The following UGT1A5 variants were observed in gnomAD, a reference collection of about 807,000 sequenced individuals.
UGT1A5 encodes the protein UDP glucuronosyltransferase family 1 member A5, also known as UDP-glucuronosyltransferase 1A5.
UGT1A5 carries 29 observed loss-of-function variants against 40.3 expected under a neutral mutation model. That is an observed-to-expected ratio of 0.72 (90% CI 0.54 to 0.98). UGT1A5 has a LOEUF of 0.98. Among genes scored for constraint, UGT1A5 ranks in the 50% least tolerant of loss-of-function variants. The pLI is 0.00. For missense variants in UGT1A5, 678 were observed against 677.9 expected, an observed-to-expected ratio of 1.00 and a Z score of 0.00; for synonymous variants, 257 against 262.5, an observed-to-expected ratio of 0.98 and a Z score of 0.20.
At position 233,769,083 on chromosome 2, in the gene UGT1A5, A is replaced by G. The variant is rs1376592971; in HGVS notation, c.1307+644A>G. On this transcript the variant is annotated intron_variant, in intron 4 of 4. Coordinates refer to ENST00000373414, the MANE Select transcript of UGT1A5 (RefSeq NM_019078.2). This position sits in a 1 kb window ranked among gnomAD's most constrained non-coding sequence, Gnocchi z 4.4. The stretch of plus-strand genomic sequence containing the variant: ...ACAGAAAGAAATACTCCATTATAAG[A>G]AGCATAGTATCTTTAAGAGAAAAAC... 1.3e-5 allele frequency among the ~76,000 whole-genome samples: 2 copies of G among 152,224 alleles called. No homozygotes were observed. Among genetic ancestry groups the G allele is most frequent in the Non-Finnish European group, 2.9e-5 (2 of 68,046 alleles).
intron 1 of UGT1A5, among the ~76,000 whole-genome samples, chr2:233,751,605 T>G (rs1030087764): frequency 2.0e-5 from 3 of 152,194 alleles, no homozygotes; most frequent in African/African-American, 7.2e-5. Flanking sequence ...TGGGACCTGG[T>G]GGGAGGTGAT....
intron 1 of UGT1A5, among the ~76,000 whole-genome samples, chr2:233,738,445 C>T (rs1322346055): frequency 2.6e-5 from 4 of 152,306 alleles, no homozygotes; most frequent in Non-Finnish European, 5.9e-5. Context: ...GCTCAGAAGA[C>T]AGGAAGATGT....
chr2:233,719,362 A>G (rs780815803), intron 1 of UGT1A5: 39 of 1,613,708 alleles, frequency 2.4e-5, no homozygotes, highest in Non-Finnish European at 3.1e-5. Context: ...TGTGACTTAG[A>G]CTTTAAGGGC....
chr2:233,767,781 T>C (rs1559414457), intron 2 of UGT1A5, 68 bp from the exon 3 acceptor site: 3 of 1,613,388 alleles, frequency 1.9e-6, no homozygotes, highest in East Asian at 2.2e-5. Context: ...TTCTAGTTAG[T>C]ATAGCAGATT....
intron 1 of UGT1A5, among the ~76,000 whole-genome samples, chr2:233,763,690 T>C (rs1698373555): frequency 6.6e-6 from 1 of 152,190 alleles, no homozygotes; most frequent in African/African-American, 2.4e-5. Context: ...AAGATAAAAC[T>C]TTTATTGCAC....
chr2:233,751,060 C>T (rs1694630836), intron 1 of UGT1A5, among the ~76,000 whole-genome samples: 1 of 151,896 alleles, frequency 6.6e-6, no homozygotes, highest in South Asian at 2.1e-4. Flanking sequence ...GACACAGACA[C>T]TCAATGCCAG....
At chr2:233,725,044 AGGCGTGGCGGCGCGCGCCTGCAATCGCAG>A (rs1160459932) in intron 1 of UGT1A5, among the ~76,000 whole-genome samples, 1 of 148,048 alleles carries the variant, frequency 6.8e-6, no homozygotes, top group Non-Finnish European at 1.5e-5. Flanking sequence ...AAAACCAGTC[AGGCGTGGCGGCGCGCGCCTGCAATCGCAG>A]GCACTCGGCA....
At chr2:233,740,322 A>G (rs1210904634) in intron 1 of UGT1A5, among the ~76,000 whole-genome samples, 1 of 151,968 alleles carries the variant, frequency 6.6e-6, no homozygotes, top group African/African-American at 2.4e-5. Context: ...ATGAATCTGC[A>G]TTTATTGAGA....
chr2:233,729,156 G>A (rs397978902), intron 1 of UGT1A5: 62 of 1,613,462 alleles, frequency 3.8e-5, no homozygotes, highest in East Asian at 8.9e-5. Flanking sequence ...TTCCCCTGCC[G>A]TGGCTGGCCA....
In UGT1A5 at chr2:233,769,485, G is replaced by A; in HGVS notation, c.1307+1046G>A. On this transcript the variant is annotated intron_variant, in intron 4 of 4. Coordinates refer to ENST00000373414, the MANE Select transcript of UGT1A5 (RefSeq NM_019078.2). This position sits in a 1 kb window ranked among gnomAD's most constrained non-coding sequence, Gnocchi z 4.4. ...TATGCGTGTGTGTGTGTGTGCGTGTGTTTATGAGAGTGTCCATTGCTTTCT... is the reference window on the plus strand; with the variant it reads ...TATGCGTGTGTGTGTGTGTGCGTGTATTTATGAGAGTGTCCATTGCTTTCT... 6.2e-7 allele frequency: 1 copy of A among 1,612,612 alleles called. No individual in the cohort carries two copies. Among genetic ancestry groups the A allele is most frequent in the Non-Finnish European group, 8.5e-7 (1 of 1,179,716 alleles).
chr2:233,736,477 G>T (rs565407070), intron 1 of UGT1A5, among the ~76,000 whole-genome samples: 1 of 152,272 alleles, frequency 6.6e-6, no homozygotes, highest in East Asian at 1.9e-4. Context: ...GCTTGGAGAG[G>T]TTTGTTACTA....
At chr2:233,749,984 G>T (rs1236503942) in intron 1 of UGT1A5, among the ~76,000 whole-genome samples, 1 of 151,836 alleles carries the variant, frequency 6.6e-6, no homozygotes, top group African/African-American at 2.4e-5. Flanking sequence ...TGTGAGAATG[G>T]ACTAATATAT....
intron 1 of UGT1A5, among the ~76,000 whole-genome samples, chr2:233,749,711 T>C (rs748201511): frequency 2.6e-5 from 4 of 151,836 alleles, no homozygotes; most frequent in African/African-American, 4.9e-5. Flanking sequence ...GATTGGATCA[T>C]GGGGGCAGTT....
At chr2:233,735,775 C>G (rs2363116) in intron 1 of UGT1A5, among the ~76,000 whole-genome samples, 81,728 of 152,006 alleles carry the variant, frequency 0.54, 23,611 homozygotes, top group African/African-American at 0.76. Context: ...ATGAAGCTTA[C>G]TTTGGCTGCA....
intron 1 of UGT1A5, chr2:233,729,995 T>A (rs776522612): frequency 3.7e-6 from 6 of 1,613,982 alleles, no homozygotes; most frequent in Non-Finnish European, 4.2e-6. Flanking sequence ...CTATCTCAGG[T>A]CTGTATTGGT....
chr2:233,757,071 A>G (rs1696390721), intron 1 of UGT1A5, among the ~76,000 whole-genome samples: 1 of 151,466 alleles, frequency 6.6e-6, no homozygotes. Context: ...GGGATCCAGA[A>G]TGGCTAGAGG....
chr2:233,755,081 A>G (rs749990272), intron 1 of UGT1A5: 10 of 1,336,302 alleles, frequency 7.5e-6, no homozygotes, highest in Non-Finnish European at 6.0e-6. Flanking sequence ...GGTCATAGAT[A>G]TCGCGTTTCT....
chr2:233,729,769 C>T (rs760048643), intron 1 of UGT1A5: 6 of 1,614,014 alleles, frequency 3.7e-6, no homozygotes, highest in East Asian at 2.2e-5. Flanking sequence ...CAAGAACATG[C>T]TCTACCCTCT....
chr2:233,760,811 T>G (rs72551341), intron 1 of UGT1A5: 1 of 1,613,198 alleles, frequency 6.2e-7, no homozygotes, highest in South Asian at 1.1e-5. Context: ...TTGCATGCAC[T>G]GCCATGCAGC....
Sources: gnomAD v4.1 joint callset for allele counts (sites outside exome capture counted in the v4.1 genomes callset) on GRCh38, gnomAD v4.1.1 for gene constraint, Gnocchi (gnomAD v3.1) non-coding constraint, MANE v1.5 for transcripts, NCBI Gene and HGNC (gene_info 2026-07-23, HGNC 2026-07-21) for gene names.